The following FAM13B variants were observed in gnomAD, a reference collection of about 807,000 sequenced individuals.
FAM13B encodes protein FAM13B.
In FAM13B, 60 loss-of-function variants were observed where a neutral mutation model predicts 117.3. That is an observed-to-expected ratio of 0.51 (90% confidence interval 0.42 to 0.63). The LOEUF is 0.63. Ranked by LOEUF, FAM13B falls within the 30% of genes least tolerant of loss-of-function variation. The pLI, the probability that FAM13B is intolerant of heterozygous loss-of-function variation, is 0.00. For missense variants in FAM13B, 972 were observed against 1,091.9 expected (o/e 0.89, Z 1.55); for synonymous variants, 332 against 356.1 (o/e 0.93, Z 0.76).
intron 6 of FAM13B, among the ~76,000 whole-genome samples, chr5:138,008,652 A>G (rs1421031289): frequency 6.6e-6 from 1 of 152,226 alleles, no homozygotes; most frequent in African/African-American, 2.4e-5. Context: ...ATGTCTATAC[A>G]TAATAAGCAA....
At chr5:138,004,438 T>TCAC (rs1460965287) in intron 7 of FAM13B, among the ~76,000 whole-genome samples, 2 of 152,176 alleles carry the variant, frequency 1.3e-5, no homozygotes, top group African/African-American at 4.8e-5. Flanking sequence ...CTTAATGAAT[T>TCAC]CACTTGTCTA....
intron 17 of FAM13B, among the ~76,000 whole-genome samples, chr5:137,951,410 C>T (rs1765002047): frequency 1.3e-5 from 2 of 152,106 alleles, no homozygotes; most frequent in South Asian, 2.1e-4. Context: ...GTAATCCCCA[C>T]ACTTTGCAAG....
At chr5:137,986,086 T>A (rs575339935) in intron 9 of FAM13B, among the ~76,000 whole-genome samples, 18 of 152,160 alleles carry the variant, frequency 1.2e-4, no homozygotes, top group South Asian at 4.1e-4. Context: ...CTTTTTTTTT[T>A]AATGTTTTTC....
intron 20 of FAM13B, among the ~76,000 whole-genome samples, chr5:137,945,410 TC>T (rs1763163128): frequency 6.6e-6 from 1 of 152,204 alleles, no homozygotes; most frequent in Non-Finnish European, 1.5e-5. Context: ...TTAAGTGACT[TC>T]TTCTCATTAA....
At chr5:138,007,416 G>A (rs1315690323) in intron 6 of FAM13B, among the ~76,000 whole-genome samples, 1 of 152,062 alleles carries the variant, frequency 6.6e-6, no homozygotes, top group African/African-American at 2.4e-5. Context: ...AGTATATCTA[G>A]GAATATAAGT....
At chr5:137,990,306 G>A (rs1441631423) in intron 7 of FAM13B, among the ~76,000 whole-genome samples, 1 of 152,044 alleles carries the variant, frequency 6.6e-6, no homozygotes, top group Non-Finnish European at 1.5e-5. Flanking sequence ...AATGGTGTGG[G>A]GAAAAATCTA....
At chr5:138,017,062 T>C (rs1785431948) in intron 4 of FAM13B, among the ~76,000 whole-genome samples, 1 of 152,186 alleles carries the variant, frequency 6.6e-6, no homozygotes, top group South Asian at 2.1e-4. Flanking sequence ...ATTAAAGTGA[T>C]GCATTGAAAA....
In FAM13B at chr5:138,019,098, G is replaced by A. The variant is rs754793512; in HGVS notation, c.14C>T (p.Ser5Phe). ...GTTGCAGTTACTCAAGGAAGGGGAGGAGCTCTTCCTCATATCTTTTTTGCA... is the reference window on the plus strand; with the variant it reads ...GTTGCAGTTACTCAAGGAAGGGGAGAAGCTCTTCCTCATATCTTTTTTGCA... MRKSSSPSLSNCNSV... is the reference protein window; with the variant it reads MRKSFSPSLSNCNSV... The change falls in exon 3 of 24, where the codon TCC becomes TTC. Residue 5 changes from serine (S) to phenylalanine (F), a missense_variant. Transcript: ENST00000689681. 6.2e-7 allele frequency: 1 copy of A among 1,613,514 alleles called. No individual in the cohort carries two copies. Among genetic ancestry groups the A allele is most frequent in the Non-Finnish European group, 8.5e-7 (1 of 1,179,834 alleles).
chr5:137,971,322 C>T (rs1772069503), intron 10 of FAM13B, among the ~76,000 whole-genome samples: 1 of 152,110 alleles, frequency 6.6e-6, no homozygotes, highest in Admixed American at 6.6e-5. Context: ...CAAAACTGCT[C>T]AACTACATGG....
At chr5:138,019,703 G>A (rs916476585) in intron 2 of FAM13B, among the ~76,000 whole-genome samples, 38 of 150,698 alleles carry the variant, frequency 2.5e-4, no homozygotes, top group East Asian at 1.9e-4. Flanking sequence ...TTTTTGAGAC[G>A]GAGTCTCGCT....
At chr5:137,953,635 A>G (rs938495675) in intron 15 of FAM13B, among the ~76,000 whole-genome samples, 170 bp from the exon 16 acceptor site, 19 of 152,220 alleles carry the variant, frequency 1.2e-4, no homozygotes, top group Non-Finnish European at 2.9e-5. Context: ...ACAGACCACA[A>G]ATTTAGCTAA....
chr5:137,974,216 CAAT>C (rs1393378650), intron 10 of FAM13B, among the ~76,000 whole-genome samples: 2 of 151,380 alleles, frequency 1.3e-5, no homozygotes, highest in African/African-American at 4.9e-5. Flanking sequence ...AAATGTCCAA[CAAT>C]GATAGACTGG....
intron 9 of FAM13B, among the ~76,000 whole-genome samples, chr5:137,985,657 C>T (rs768999967): frequency 3.9e-5 from 6 of 151,960 alleles, no homozygotes; most frequent in East Asian, 1.9e-4. Context: ...ATTTATGGGC[C>T]GAAATAATCA....
intron 10 of FAM13B, among the ~76,000 whole-genome samples, chr5:137,975,980 C>CTTTTTTTTTT (rs57478594): frequency 9.1e-5 from 10 of 110,190 alleles, no homozygotes; most frequent in African/African-American, 2.6e-4. Flanking sequence ...TCAACTCTTC[C>CTTTTTTTTTT]TTTTTTTTTT....
At chr5:137,985,534 CT>C (rs1776983644) in intron 9 of FAM13B, 145 bp from the exon 10 acceptor site, 1 of 778,724 alleles carries the variant, frequency 1.3e-6, no homozygotes, top group Admixed American at 2.9e-5. Flanking sequence ...ACACTTTTAT[CT>C]TGCTAAATTA....
chr5:138,025,620 T>A (rs1788155631), intron 1 of FAM13B, among the ~76,000 whole-genome samples: 1 of 152,106 alleles, frequency 6.6e-6, no homozygotes, highest in South Asian at 2.1e-4. Flanking sequence ...TATACAAAAA[T>A]ACACATACAT....
At chr5:137,984,991 G>A (rs568329564) in intron 10 of FAM13B, among the ~76,000 whole-genome samples, 34 of 152,000 alleles carry the variant, frequency 2.2e-4, no homozygotes, top group African/African-American at 6.0e-4. Context: ...GGATGGTCTC[G>A]ATCTCCTGAC....
At position 138,011,835 on chromosome 5, in the gene FAM13B, C is replaced by T. The variant is rs924066594; in HGVS notation, c.481G>A (p.Ala161Thr). Residue 161 changes from alanine to threonine, a missense_variant, in exon 5 of 24, where the codon GCA becomes ACA. Physicochemically the swap from Ala to Thr is moderately conservative, Grantham distance 58. Coordinates refer to ENST00000689681, the MANE Select transcript of FAM13B (RefSeq NM_001385994.1). ...GACCAAATTTCTTCATGATGTGATG[C>T]TACATTGGCTAAAAATCTACACAGA... Reference protein sequence around the residue: ...KFLCRFLANVASHHEEIWSAN... With the variant: ...KFLCRFLANVTSHHEEIWSAN... 1 of 1,610,342 alleles carries T rather than the reference C, an allele frequency of 6.2e-7. No homozygotes were observed. The highest frequency in any genetic ancestry group is 8.5e-7 in the Non-Finnish European group (1 of 1,178,570).
At chr5:137,966,486 T>TAGAGAGAGAGAGAG (rs1244578551) in intron 10 of FAM13B, among the ~76,000 whole-genome samples, 40 of 44,006 alleles carry the variant, frequency 9.1e-4, no homozygotes, top group South Asian at 2.9e-3. Context: ...TATATATATA[T>TAGAGAGAGAGAGAG]ATAGAGAGAG....
Sources: gnomAD v4.1 joint callset for allele counts (sites outside exome capture counted in the v4.1 genomes callset) on GRCh38, gnomAD v4.1.1 for gene constraint, MANE v1.5 for transcripts, NCBI Gene and HGNC (gene_info 2026-07-23, HGNC 2026-07-21) for gene names.